PRKCA: variants seen among roughly 807,000 people sequenced by gnomAD.
PRKCA encodes the protein protein kinase C alpha.
PRKCA carries 27 observed loss-of-function variants against 87.0 expected under a neutral mutation model. That is an observed-to-expected ratio of 0.31 (90% confidence interval 0.23 to 0.43). The LOEUF (loss-of-function observed/expected upper bound fraction) is 0.43, where lower values mean the gene tolerates loss of function less well. Ranked by LOEUF, PRKCA falls within the 20% of genes least tolerant of loss-of-function variation. The pLI, the probability that PRKCA is intolerant of heterozygous loss-of-function variation, is 1.00. For synonymous variants in PRKCA, 329 were observed against 311.1 expected (o/e 1.06, Z -0.61); for missense variants, 518 against 852.3 (o/e 0.61, Z 4.88).
rs574623078 is a variant in PRKCA at position 66,341,453 on chromosome 17, C to A, written c.205+35326C>A. ...TCTGGAGATAGAAAATTAAGTGAGG[C>A]GTGTTGTTCTGAAATCTGGGTGCCA... On this transcript the variant is annotated intron_variant, in intron 2 of 16. Coordinates refer to ENST00000413366, the MANE Select transcript of PRKCA (RefSeq NM_002737.3). Among the ~76,000 whole-genome samples, 4 of 152,228 alleles carry A rather than the reference C, an allele frequency of 2.6e-5. No individual in the cohort carries two copies. In the East Asian group the frequency reaches 7.7e-4, roughly 29 times the overall value.
chr17:66,777,398 G>T, intron 14 of PRKCA: 1 of 984,786 alleles, frequency 1.0e-6, no homozygotes, highest in Non-Finnish European at 1.2e-6. Context: ...GACATCAAAA[G>T]AGTGGTTTAT....
chr17:66,412,311 C>T (rs986333617), intron 2 of PRKCA, among the ~76,000 whole-genome samples: 1 of 152,150 alleles, frequency 6.6e-6, no homozygotes, highest in African/African-American at 2.4e-5. Flanking sequence ...CCAGGCTTGG[C>T]CTTCTGAAGT....
chr17:66,652,114 A>T (rs1749308804), intron 5 of PRKCA, among the ~76,000 whole-genome samples: 1 of 152,074 alleles, frequency 6.6e-6, no homozygotes, highest in African/African-American at 2.4e-5. Flanking sequence ...GTGTGCCACC[A>T]TGCCCGGCTA....
At chr17:66,524,221 A>AT (rs1304503473) in intron 3 of PRKCA, among the ~76,000 whole-genome samples, 1 of 152,174 alleles carries the variant, frequency 6.6e-6, no homozygotes, top group Non-Finnish European at 1.5e-5. Context: ...CTGATTTTCA[A>AT]TTCCTGATAC....
chr17:66,761,741 A>G (rs760678741), intron 13 of PRKCA, among the ~76,000 whole-genome samples: 1 of 151,588 alleles, frequency 6.6e-6, no homozygotes, highest in Admixed American at 6.6e-5. Context: ...TTTTTTTTTT[A>G]TATAATGCAC....
intron 3 of PRKCA, among the ~76,000 whole-genome samples, chr17:66,534,524 G>A (rs1302515212): frequency 1.3e-5 from 2 of 151,906 alleles, no homozygotes; most frequent in African/African-American, 2.4e-5. Flanking sequence ...AAAATTAGCC[G>A]GGCGTGGTGG....
intron 2 of PRKCA, among the ~76,000 whole-genome samples, chr17:66,440,669 A>G (rs970415455): frequency 1.3e-5 from 2 of 152,092 alleles, no homozygotes; most frequent in African/African-American, 4.8e-5. Context: ...TGAGGCCTGG[A>G]CAACCCACAG....
At chr17:66,446,415 C>T (rs1298272615) in intron 2 of PRKCA, among the ~76,000 whole-genome samples, 1 of 152,200 alleles carries the variant, frequency 6.6e-6, no homozygotes, top group Non-Finnish European at 1.5e-5. Context: ...TCTTCTTCCT[C>T]ATTGGCCTTG....
intron 3 of PRKCA, among the ~76,000 whole-genome samples, chr17:66,633,536 G>A (rs116450462): frequency 6.6e-6 from 1 of 152,286 alleles, no homozygotes; most frequent in African/African-American, 2.4e-5. Context: ...CTTCAAGGAG[G>A]CATACTGCTC....
At chr17:66,313,202 A>G (rs1905160087) in intron 2 of PRKCA, among the ~76,000 whole-genome samples, 1 of 152,214 alleles carries the variant, frequency 6.6e-6, no homozygotes, top group African/African-American at 2.4e-5. Context: ...GTGTGTGATT[A>G]TATAAATATT....
At position 66,689,538 on chromosome 17, in the gene PRKCA, C is replaced by G. The variant is rs756304231; in HGVS notation, c.918+491C>G. 6.6e-6 allele frequency among the ~76,000 whole-genome samples: 1 copy of G among 152,146 alleles called. No individual in the cohort carries two copies. The highest frequency in any genetic ancestry group is 1.5e-5 in the Non-Finnish European group (1 of 68,034). On this transcript the variant is annotated intron_variant, in intron 8 of 16. Transcript: ENST00000413366. This position sits in a 1 kb window ranked among gnomAD's most constrained non-coding sequence, Gnocchi z 4.1. Reference sequence around the variant, plus strand: ...AACAAATATGCCTTTGTGTGTGATCCCTTTTTATTTATGCTCCAGATGTTT... The same window carrying G: ...AACAAATATGCCTTTGTGTGTGATCGCTTTTTATTTATGCTCCAGATGTTT...
intron 10 of PRKCA, among the ~76,000 whole-genome samples, chr17:66,735,920 C>CTTTTTTTTTTTTTTTTTTTTTTTTTTT (rs5821508): frequency 8.2e-6 from 1 of 122,116 alleles, no homozygotes; most frequent in Non-Finnish European, 1.6e-5. Flanking sequence ...TTCTTTCTTT[C>CTTTTTTTTTTTTTTTTTTTTTTTTTTT]TTTTTTTTTT....
chr17:66,777,941 C>G (rs1466002491), intron 14 of PRKCA: 1 of 985,256 alleles, frequency 1.0e-6, no homozygotes, highest in East Asian at 1.1e-4. Context: ...GGGGAGAACT[C>G]AGGGAATGCT....
intron 2 of PRKCA, among the ~76,000 whole-genome samples, chr17:66,324,906 C>T (rs1905883826): frequency 1.3e-5 from 2 of 152,190 alleles, no homozygotes; most frequent in Admixed American, 1.3e-4. Flanking sequence ...TTGATTGGAA[C>T]TGACATGGGA....
intron 14 of PRKCA, chr17:66,777,230 A>G: frequency 2.0e-6 from 2 of 985,456 alleles, no homozygotes; most frequent in Non-Finnish European, 2.4e-6. Context: ...TCTCCAGATC[A>G]GCGGCTTTGC....
chr17:66,748,601 T>C (rs72838609), intron 13 of PRKCA, among the ~76,000 whole-genome samples: 258 of 152,288 alleles, frequency 1.7e-3, no homozygotes, highest in Non-Finnish European at 3.0e-3. Flanking sequence ...ATCTAGCCAC[T>C]GGGACTTGAT....
intron 8 of PRKCA, among the ~76,000 whole-genome samples, chr17:66,710,564 T>C (rs1313502087): frequency 6.6e-6 from 1 of 152,132 alleles, no homozygotes; most frequent in African/African-American, 2.4e-5. Context: ...AGCCATGCTC[T>C]CCACCCTTAA....
In PRKCA at chr17:66,581,655, T is replaced by G. The variant is rs572209578; in HGVS notation, c.289-59700T>G. Reference sequence around the variant, plus strand: ...CACGCCTGGCTAATTTTTTGTATTTTTAATAGAGATAGGGTTTCACCGTTT... The same window carrying G: ...CACGCCTGGCTAATTTTTTGTATTTGTAATAGAGATAGGGTTTCACCGTTT... On this transcript the variant is annotated intron_variant, in intron 3 of 16. Transcript: ENST00000413366. 1.1e-3 allele frequency among the ~76,000 whole-genome samples: 175 copies of G among 152,212 alleles called. 1 individual carries two copies. The highest frequency in any genetic ancestry group is 4.0e-3 in the African/African-American group (165 of 41,544).
At chr17:66,755,683 A>G (rs1974531816) in intron 13 of PRKCA, among the ~76,000 whole-genome samples, 1 of 152,216 alleles carries the variant, frequency 6.6e-6, no homozygotes, top group Non-Finnish European at 1.5e-5. Flanking sequence ...CTGCACAGAA[A>G]AAGTACAGAC....
Sources: gnomAD v4.1 joint callset for allele counts (sites outside exome capture counted in the v4.1 genomes callset) on GRCh38, gnomAD v4.1.1 for gene constraint, Gnocchi (gnomAD v3.1) non-coding constraint, MANE v1.5 for transcripts, NCBI Gene and HGNC (gene_info 2026-07-23, HGNC 2026-07-21) for gene names.